Variants in CPA6 observed in about 807,000 individuals in gnomAD.
CPA6 encodes carboxypeptidase B.
Under a neutral mutation model 63.3 loss-of-function variants are expected in CPA6, and 58 were observed. That is an observed-to-expected ratio of 0.92 (90% CI 0.74 to 1.14). The LOEUF is 1.14. CPA6 is among the 50% of genes most tolerant of loss of function. The probability of loss-of-function intolerance (pLI) is 0.00; values close to 1 mark genes in which losing one functional copy is unlikely to be tolerated. For missense variants in CPA6, 565 were observed against 526.6 expected (o/e 1.07, Z -0.71); for synonymous variants, 185 against 179.0 (o/e 1.03, Z -0.27).
At chr8:67,534,000 GAATGGTAAGGAATT>G (rs1221749503) in intron 2 of CPA6, among the ~76,000 whole-genome samples, 2 of 152,222 alleles carry the variant, frequency 1.3e-5, no homozygotes, top group Non-Finnish European at 2.9e-5. Flanking sequence ...AACAGTTCTT[GAATGGTAAGGAATT>G]CAGGTTTCTC....
chr8:67,461,105 G>T (rs147175037), intron 8 of CPA6, among the ~76,000 whole-genome samples: 2 of 141,802 alleles, frequency 1.4e-5, no homozygotes, highest in Non-Finnish European at 3.0e-5. Flanking sequence ...GGTGTTTCTC[G>T]CAGAGGGGGA....
rs150107562 is a variant in CPA6, at chr8:67,574,792, T to C, written c.192+49384A>G. On this transcript the variant is annotated intron_variant, in intron 2 of 10. Transcript: ENST00000297770. ...ACCTGAAAACCACTGGAAAAAAACA[T>C]AGGGGAAAAAACTACATGATATTTC... Among the ~76,000 whole-genome samples, 699 of 151,124 alleles carry C rather than the reference T, an allele frequency of 4.6e-3. 4 individuals are homozygous for C. The highest frequency in any genetic ancestry group is 0.016 in the African/African-American group (649 of 41,290).
At chr8:67,490,862 T>TA (rs11379482) in intron 6 of CPA6, among the ~76,000 whole-genome samples, 47,602 of 151,992 alleles carry the variant, frequency 0.31, 7,585 homozygotes, top group Middle Eastern at 0.45. Context: ...GTTGCTTTCT[T>TA]AGAGTTCATG....
At chr8:67,654,493 T>C (rs1358855091) in intron 1 of CPA6, among the ~76,000 whole-genome samples, 1 of 152,172 alleles carries the variant, frequency 6.6e-6, no homozygotes, top group Non-Finnish European at 1.5e-5. Context: ...TGTTGAGGAA[T>C]TTACCCATTT....
In CPA6 at chr8:67,600,600, T is replaced by A. The variant is rs79970790; in HGVS notation, c.192+23576A>T. ...CCATTTCTCAAAACATCTTGTTGTA[T>A]ATGATCTCTGTATAATTTTTTGTCA... On this transcript the variant is annotated intron_variant, in intron 2 of 10. Coordinates refer to ENST00000297770, the MANE Select transcript of CPA6 (RefSeq NM_020361.5). Among the ~76,000 whole-genome samples the A allele has an allele frequency of 9.9e-5, 15 of 152,284 alleles. No homozygotes were observed. The East Asian group carries it at 2.9e-3, about 29-fold the overall frequency.
intron 8 of CPA6, among the ~76,000 whole-genome samples, chr8:67,482,308 C>CTTGTTAGTCTCCACTAACAAGCG (rs1245136226): frequency 6.6e-6 from 1 of 152,176 alleles, no homozygotes; most frequent in Non-Finnish European, 1.5e-5. Context: ...ACAAGCGAAA[C>CTTGTTAGTCTCCACTAACAAGCG]ATCCCTGTGT....
intron 1 of CPA6, among the ~76,000 whole-genome samples, chr8:67,678,426 C>T (rs1816525164): frequency 6.6e-6 from 1 of 151,876 alleles, no homozygotes; most frequent in Non-Finnish European, 1.5e-5. Flanking sequence ...CTTCTATAGC[C>T]CAACAAGAAA....
chr8:67,654,871 C>T (rs903529896), intron 1 of CPA6, among the ~76,000 whole-genome samples: 5 of 152,122 alleles, frequency 3.3e-5, no homozygotes, highest in African/African-American at 1.2e-4. Context: ...CCAGATTTGT[C>T]TAATTTTCTG....
At chr8:67,556,817 G>A (rs547375121) in intron 2 of CPA6, among the ~76,000 whole-genome samples, 21 of 152,338 alleles carry the variant, frequency 1.4e-4, no homozygotes, top group African/African-American at 4.8e-4. Context: ...CGGCAGCGCC[G>A]AGAGTTTGCT....
intron 2 of CPA6, among the ~76,000 whole-genome samples, chr8:67,547,342 G>A (rs765783034): frequency 5.9e-5 from 9 of 152,108 alleles, no homozygotes; most frequent in Non-Finnish European, 4.4e-5. Flanking sequence ...CACTGTGCCC[G>A]GCCGAAGGCC....
At chr8:67,673,748 T>C (rs1302219224) in intron 1 of CPA6, among the ~76,000 whole-genome samples, 1 of 152,136 alleles carries the variant, frequency 6.6e-6, no homozygotes, top group Non-Finnish European at 1.5e-5. Flanking sequence ...CAAAAGAGTG[T>C]GATAGACTTA....
At chr8:67,465,794 C>T (rs760679658) in intron 8 of CPA6, among the ~76,000 whole-genome samples, 8 of 152,256 alleles carry the variant, frequency 5.3e-5, no homozygotes, top group Admixed American at 1.3e-4. Context: ...TTGCATCCCA[C>T]GAATGAAGCC....
At chr8:67,487,418 C>T (rs993563361) in intron 6 of CPA6, among the ~76,000 whole-genome samples, 3 of 152,130 alleles carry the variant, frequency 2.0e-5, no homozygotes, top group African/African-American at 7.2e-5. Flanking sequence ...TTCCATGGTG[C>T]ATATGTGCCA....
intron 8 of CPA6, among the ~76,000 whole-genome samples, chr8:67,474,697 C>G (rs756441117): frequency 1.3e-5 from 2 of 152,202 alleles, no homozygotes; most frequent in Admixed American, 1.3e-4. Flanking sequence ...TTCTTCTGGT[C>G]GGACATGGTG....
chr8:67,454,071 C>T (rs1295723479), intron 8 of CPA6, among the ~76,000 whole-genome samples: 2 of 152,256 alleles, frequency 1.3e-5, no homozygotes, highest in Non-Finnish European at 2.9e-5. Context: ...CTATCACATC[C>T]AGAGTTCTTT....
At chr8:67,513,008 C>G (rs1457689184) in intron 3 of CPA6, among the ~76,000 whole-genome samples, 2 of 152,156 alleles carry the variant, frequency 1.3e-5, no homozygotes, top group East Asian at 3.9e-4. Flanking sequence ...ATGGACAAAA[C>G]ACTTAATCAG....
chr8:67,599,236 C>T (rs749090227), intron 2 of CPA6, among the ~76,000 whole-genome samples: 1 of 152,214 alleles, frequency 6.6e-6, no homozygotes, highest in African/African-American at 2.4e-5. Context: ...AAACTGACTA[C>T]GTTAGTCCAT....
At chr8:67,435,988 T>C (rs531764801) in intron 8 of CPA6, among the ~76,000 whole-genome samples, 69 of 151,326 alleles carry the variant, frequency 4.6e-4, no homozygotes, top group African/African-American at 6.9e-4. Context: ...GCCCCAGGGC[T>C]TGGGGGAGGG....
chr8:67,708,222 G>A (rs1014659197), intron 1 of CPA6, among the ~76,000 whole-genome samples: 1 of 152,136 alleles, frequency 6.6e-6, no homozygotes, highest in African/African-American at 2.4e-5. Context: ...AAGCCTATAA[G>A]GCAAATAATT....
Sources: gnomAD v4.1 joint callset for allele counts (sites outside exome capture counted in the v4.1 genomes callset) on GRCh38, gnomAD v4.1.1 for gene constraint, MANE v1.5 for transcripts, NCBI Gene and HGNC (gene_info 2026-07-23, HGNC 2026-07-21) for gene names.